CD81: variants seen among roughly 807,000 people sequenced by gnomAD.
The protein encoded by CD81 is CD81 molecule.
A neutral mutation model predicts 30.1 loss-of-function variants in CD81; 10 were observed. That is an observed-to-expected ratio of 0.33 (90% confidence interval 0.21 to 0.56). The LOEUF is 0.56. Among genes scored for constraint, CD81 ranks in the 20% least tolerant of loss-of-function variants. The pLI is 0.89. For synonymous variants in CD81, 147 were observed against 126.4 expected (o/e 1.16, Z -1.10); for missense variants, 263 against 308.7 (o/e 0.85, Z 1.11).
At chr11:2,395,739 A>C in intron 5 of CD81, 130 bp from the exon 6 acceptor site, 1 of 783,802 alleles carries the variant, frequency 1.3e-6, no homozygotes, top group Non-Finnish European at 2.2e-6. Flanking sequence ...GAGGAGGAAG[A>C]AGGCTGGCCC....
At chr11:2,393,528 A>C (rs1564994411) in intron 2 of CD81, 3 of 268,604 alleles carry the variant, frequency 1.1e-5, no homozygotes, top group South Asian at 6.1e-5. Context: ...CCGTAACGGA[A>C]GTGCTGCTGT....
chr11:2,383,666 C>A (rs1047309797), intron 1 of CD81, among the ~76,000 whole-genome samples: 1 of 152,218 alleles, frequency 6.6e-6, no homozygotes, highest in Non-Finnish European at 1.5e-5. Context: ...GAGCCCGCAG[C>A]GTGGCCCTGC....
rs377337982 is a variant in CD81, at chr11:2,395,976, C to A, written c.561+6C>A. 4.4e-6 allele frequency: 7 copies of A among 1,596,576 alleles called. No individual in the cohort carries two copies. In the African/African-American group the frequency reaches 9.4e-5, roughly 21 times the overall value. On this transcript the variant is annotated splice_donor_region_variant and intron_variant, in intron 6 of 7. Coordinates refer to ENST00000263645, the MANE Select transcript of CD81 (RefSeq NM_004356.4). ...TCATCAGCAACCTCTTCAAGGTGCGCGAGGCCGGTGGGGCCGCGCCTGACC... is the reference window on the plus strand; with the variant it reads ...TCATCAGCAACCTCTTCAAGGTGCGAGAGGCCGGTGGGGCCGCGCCTGACC...
chr11:2,391,002 A>T (rs1357926201), intron 2 of CD81: 1 of 269,390 alleles, frequency 3.7e-6, no homozygotes, highest in African/African-American at 2.2e-5. Context: ...CTGCCCCTGC[A>T]GGCAGCTGCA....
chr11:2,394,161 C>A lies in CD81; in HGVS notation c.248C>A (p.Ala83Asp). ...MFVGFLGCYG[A>D]IQESQCLLGT... ...GTTGGCTTCCTGGGCTGCTACGGGG[C>A]CATCCAGGAATCCCAGTGCCTGCTG... Residue 83 changes from alanine (A) to aspartate (D), a missense_variant, in exon 3 of 8, where the codon GCC becomes GAC. Transcript: ENST00000263645. 6.2e-7 allele frequency: 1 copy of A among 1,612,752 alleles called. No individual in the cohort carries two copies. The highest frequency in any genetic ancestry group is 8.5e-7 in the Non-Finnish European group (1 of 1,179,564).
chr11:2,390,779 C>T (rs2133456132), intron 2 of CD81, among the ~76,000 whole-genome samples: 1 of 152,152 alleles, frequency 6.6e-6, no homozygotes, highest in Non-Finnish European at 1.5e-5. Flanking sequence ...GGAGACCTTG[C>T]TTATTTTAAG....
At position 2,378,609 on chromosome 11, in the gene CD81, G is replaced by T. The variant is rs1410621453; in HGVS notation, c.66+994G>T. ...ATTTCCTGTCGGTGTTAGAATTGGG[G>T]AGGGGGTGGAAATCCCTTCTTGGCC... On this transcript the variant is annotated intron_variant, in intron 1 of 7. Transcript: ENST00000263645. This position sits in a 1 kb window ranked among gnomAD's most constrained non-coding sequence, Gnocchi z 4.9. 6.6e-6 allele frequency among the ~76,000 whole-genome samples: 1 copy of T among 152,190 alleles called. No individual in the cohort carries two copies. Among genetic ancestry groups the T allele is most frequent in the Non-Finnish European group, 1.5e-5 (1 of 68,042 alleles).
intron 1 of CD81, chr11:2,385,936 T>G (rs1167118250): frequency 1.5e-6 from 1 of 676,124 alleles, no homozygotes; most frequent in East Asian, 2.7e-5. Context: ...AGCAGCTGGG[T>G]CATGTGGTGA....
chr11:2,379,546 G>A (rs915974302), intron 1 of CD81, among the ~76,000 whole-genome samples: 17 of 151,862 alleles, frequency 1.1e-4, no homozygotes, highest in African/African-American at 3.9e-4. Context: ...GACTTCTCCG[G>A]AGGTGGATTT....
chr11:2,391,419 A>G (rs56897905), intron 2 of CD81: 4,559 of 152,664 alleles, frequency 0.03, 242 homozygotes, highest in African/African-American at 0.1. Flanking sequence ...CCAGGGCCCC[A>G]GGAGGCCGAA....
At chr11:2,386,247 G>C in intron 1 of CD81, 3 of 691,426 alleles carry the variant, frequency 4.3e-6, no homozygotes, top group South Asian at 1.6e-5. Context: ...CAAAGATTGG[G>C]TTGCCAGTTT....
rs1849953098 is a variant in CD81 at position 2,394,088 on chromosome 11, C to T, written c.182-7C>T. ...AGGCACCCACCTGGTGTCTCTCTCC[C>T]CGCAAGGCATCTACATCCTCATCGC... On this transcript the variant is annotated splice_polypyrimidine_tract_variant and splice_region_variant and intron_variant, in intron 2 of 7. Transcript: ENST00000263645. 5 of 1,610,336 alleles carry T rather than the reference C, an allele frequency of 3.1e-6. No individual in the cohort carries two copies. The highest frequency in any genetic ancestry group is 2.2e-5 in the South Asian group (2 of 91,044).
chr11:2,388,943 C>G (rs1407997668), intron 1 of CD81, among the ~76,000 whole-genome samples: 1 of 152,156 alleles, frequency 6.6e-6, no homozygotes, highest in Non-Finnish European at 1.5e-5. Context: ...TGATCCCTGC[C>G]TGAGGGCTGT....
chr11:2,396,499 A>C, intron 6 of CD81, 129 bp from the exon 7 acceptor site: 2 of 833,290 alleles, frequency 2.4e-6, no homozygotes, highest in Non-Finnish European at 4.1e-6. Flanking sequence ...CGAGGTGGGT[A>C]GGGGGTGGGG....
At chr11:2,390,576 A>G (rs1188683039) in intron 2 of CD81, 50 bp downstream of exon 2, 2 of 1,328,954 alleles carry the variant, frequency 1.5e-6, no homozygotes, top group East Asian at 2.3e-5. Context: ...TTCTAGGAGG[A>G]GGCAGGTCCT....
intron 2 of CD81, chr11:2,392,959 G>A (rs529917288): frequency 1.6e-4 from 25 of 152,410 alleles, no homozygotes; most frequent in African/African-American, 5.5e-4. Flanking sequence ...TGAGGGGAGG[G>A]AGACCTGGCT....
At chr11:2,387,194 A>T (rs1424987004) in intron 1 of CD81, among the ~76,000 whole-genome samples, 1 of 152,082 alleles carries the variant, frequency 6.6e-6, no homozygotes, top group Non-Finnish European at 1.5e-5. Flanking sequence ...CGAGCCAGGC[A>T]CGGTTCCATG....
intron 6 of CD81, chr11:2,396,363 T>C (rs1353067717): frequency 2.0e-5 from 12 of 593,698 alleles, no homozygotes; most frequent in Non-Finnish European, 3.6e-5. Flanking sequence ...TTTAGGGGTC[T>C]AGTGACACCA....
Position 2,396,490 on chromosome 11 carries a change from G to A in CD81, c.562-138G>A, listed in dbSNP as rs541907735. The A allele has an allele frequency of 4.3e-4, 347 of 800,834 alleles. 1 individual carries two copies. The African/African-American group carries it at 5.3e-3, about 12-fold the overall frequency. The allele number at this position is 800,834 out of a possible 1,614,324, so 49.6% of individuals were successfully genotyped here. ...CCGGGCCGCTGCACCCGCCTGTTCC[G>A]AGGTGGGTAGGGGGTGGGGGGCTGT... On this transcript the variant is annotated intron_variant, in intron 6 of 7. Coordinates refer to ENST00000263645, the MANE Select transcript of CD81 (RefSeq NM_004356.4).
Sources: allele counts gnomAD v4.1 joint callset (sites outside exome capture counted in the v4.1 genomes callset), GRCh38; gene constraint gnomAD v4.1.1; non-coding constraint Gnocchi (gnomAD v3.1); transcripts MANE v1.5; gene names NCBI Gene and HGNC (gene_info 2026-07-23, HGNC 2026-07-21).